Variants in TMEM19 observed in about 807,000 individuals in gnomAD.
TMEM19 encodes transmembrane protein 19.
Under a neutral mutation model 33.6 loss-of-function variants are expected in TMEM19, and 21 were observed. The observed-to-expected ratio is 0.62, with a 90% CI of 0.44 to 0.90. The LOEUF (loss-of-function observed/expected upper bound fraction) is 0.90, where lower values mean the gene tolerates loss of function less well. Ranked by LOEUF, TMEM19 falls within the 40% of genes least tolerant of loss-of-function variation. TMEM19 has a pLI of 0.00. For missense variants in TMEM19, 402 were observed against 401.8 expected, an observed-to-expected ratio of 1.00 and a Z score of 0.00; for synonymous variants, 149 against 147.5, an observed-to-expected ratio of 1.01 and a Z score of -0.07.
intron 3 of TMEM19, 112 bp downstream of exon 3, chr12:71,696,685 T>C (rs1241715836): frequency 3.0e-5 from 31 of 1,023,254 alleles, no homozygotes; most frequent in Non-Finnish European, 3.7e-5. Flanking sequence ...CTTGCTCTGT[T>C]GCCCAGGCTG....
rs1881983550 is a variant in TMEM19, at chr12:71,701,758, G to A, written c.*763G>A. The A allele has an allele frequency of 6.6e-6, 1 of 152,186 alleles. No homozygotes were observed. The highest frequency in any genetic ancestry group is 2.1e-4 in the South Asian group (1 of 4,828). 9.4% of individuals were successfully genotyped at this position (152,186 alleles called of 1,614,324 possible). A position where few individuals can be genotyped will look rare whatever the true frequency, so the allele number is the denominator to read the frequency against. On this transcript the variant is annotated 3_prime_UTR_variant, in exon 6 of 6. Transcript: ENST00000266673. ...ATCTTCAATTTAATATGTGGAATGT[G>A]TTTTCTAGCTTTCTTTGAATTATGT...
chr12:71,694,809 G>C lies in TMEM19; in HGVS notation c.245-1627G>C, dbSNP rs115092812. 9.2e-5 allele frequency among the ~76,000 whole-genome samples: 14 copies of C among 152,318 alleles called. No individual in the cohort carries two copies. The South Asian group carries it at 1.9e-3, about 20-fold the overall frequency. On this transcript the variant is annotated intron_variant, in intron 2 of 5. Transcript: ENST00000266673. ...AGAATATGTATGAAGCAATAGGTGA[G>C]CTTTGAGTTTATTAAATTACTATGA...
chr12:71,696,455 C>G lies in TMEM19; in HGVS notation c.264C>G (p.Ile88Met). The G allele has an allele frequency of 6.2e-7, 1 of 1,611,516 alleles. No individual in the cohort carries two copies. The highest frequency in any genetic ancestry group is 8.5e-7 in the Non-Finnish European group (1 of 1,178,720). Residue 88 changes from isoleucine to methionine, a missense_variant, in exon 3 of 6, where the codon ATC (isoleucine) becomes ATG (methionine). Ile to Met is a conservative substitution (Grantham distance 10). Coordinates refer to ENST00000266673, the MANE Select transcript of TMEM19 (RefSeq NM_018279.4). ...GALGGLVVGF[I>M]LTIANFSFFT... ...TTTCAGGGCTAGTCGTTGGATTTAT[C>G]CTAACCATTGCAAATTTCAGCTTTT...
chr12:71,687,764 G>T (rs1043895065), intron 1 of TMEM19, among the ~76,000 whole-genome samples: 1 of 152,116 alleles, frequency 6.6e-6, no homozygotes, highest in Non-Finnish European at 1.5e-5. Context: ...AGTTTTAAAG[G>T]TGCTTTAGAG....
intron 5 of TMEM19, chr12:71,699,624 G>C (rs897500619): frequency 1.3e-5 from 2 of 159,720 alleles, no homozygotes; most frequent in African/African-American, 4.8e-5. Flanking sequence ...GCCAAGGGGG[G>C]CAGATCACTG....
rs57148356 is a variant in TMEM19 at position 71,703,187 on chromosome 12, C to CAAAAAAAAAAAAAAAA, written c.*2216_*2231dup. On this transcript the variant is annotated 3_prime_UTR_variant, in exon 6 of 6. Transcript: ENST00000266673. ...GGGAGACTCCATCTAGACTCCATCT[C>CAAAAAAAAAAAAAAAA]AAAAAAAAAAAAAAAAAAAAAAAAA... The CAAAAAAAAAAAAAAAA allele has an allele frequency of 4.2e-4, 20 of 47,194 alleles. 2 individuals carry two copies. The highest frequency in any genetic ancestry group is 6.0e-4 in the South Asian group (1 of 1,676). 2.9% of individuals were successfully genotyped at this position (47,194 alleles called of 1,614,324 possible). A position where few individuals can be genotyped will look rare whatever the true frequency, so the allele number is the denominator to read the frequency against.
At chr12:71,689,773 T>C in intron 2 of TMEM19, 69 bp downstream of exon 2, 1 of 1,106,184 alleles carries the variant, frequency 9.0e-7, no homozygotes, top group Non-Finnish European at 1.3e-6. Context: ...ATTTATGTTT[T>C]CTAAATTCTG....
In TMEM19 at chr12:71,686,600, G is replaced by T; in HGVS notation, c.-81G>T. 1 of 1,486,510 alleles carries T rather than the reference G, an allele frequency of 6.7e-7. No homozygotes were observed. 92.1% of individuals were successfully genotyped at this position (1,486,510 alleles called of 1,614,324 possible). On this transcript the variant is annotated 5_prime_UTR_variant, in exon 1 of 6. Coordinates refer to ENST00000266673, the MANE Select transcript of TMEM19 (RefSeq NM_018279.4). The stretch of plus-strand genomic sequence containing the variant: ...GGGATTTATGTTTGCCTCTGAACAA[G>T]TGTCTTGCTCACATCGTAAATGACT...
chr12:71,689,547 T>C, intron 1 of TMEM19, 44 bp from the exon 2 acceptor site: 1 of 1,513,050 alleles, frequency 6.6e-7, no homozygotes, highest in Non-Finnish European at 9.2e-7. Context: ...AACTAACCTG[T>C]GCAAACTTCA....
At position 71,703,220 on chromosome 12, in the gene TMEM19, A is replaced by AAAG. The variant is rs1882014811; in HGVS notation, c.*2227_*2228insGAA. ...AAAAAAAAAAAAAAAAAAAAAAAAA[A>AAAG]AAAAAAGAATATTCTAAGCACTAGA... On this transcript the variant is annotated 3_prime_UTR_variant, in exon 6 of 6. Coordinates refer to ENST00000266673, the MANE Select transcript of TMEM19 (RefSeq NM_018279.4). The AAAG allele has an allele frequency of 7.0e-6, 1 of 143,136 alleles. No homozygotes were observed. The highest frequency in any genetic ancestry group is 1.5e-5 in the Non-Finnish European group (1 of 66,406). 8.9% of individuals were successfully genotyped at this position (143,136 alleles called of 1,614,324 possible).
chr12:71,701,134 A>G lies in TMEM19; in HGVS notation c.*139A>G. 1 of 861,900 alleles carries G rather than the reference A, an allele frequency of 1.2e-6. No homozygotes were observed. The highest frequency in any genetic ancestry group is 1.7e-6 in the Non-Finnish European group (1 of 590,078). The allele number at this position is 861,900 out of a possible 1,614,324, so 53.4% of individuals were successfully genotyped here. ...GTATTCCATTGAGATGGGATTTCACATTTTCCTCTCATCAACTCCCCTGTA... is the reference window on the plus strand; with the variant it reads ...GTATTCCATTGAGATGGGATTTCACGTTTTCCTCTCATCAACTCCCCTGTA... On this transcript the variant is annotated 3_prime_UTR_variant, in exon 6 of 6. Transcript: ENST00000266673.
intron 2 of TMEM19, among the ~76,000 whole-genome samples, chr12:71,695,612 G>A (rs1881857374): frequency 6.6e-6 from 1 of 152,152 alleles, no homozygotes; most frequent in South Asian, 2.1e-4. Context: ...GCTGTTATTA[G>A]TATCCATGAT....
chr12:71,687,920 CAT>C (rs754375103), intron 1 of TMEM19, among the ~76,000 whole-genome samples: 9 of 152,244 alleles, frequency 5.9e-5, no homozygotes, highest in East Asian at 5.8e-4. Flanking sequence ...TGCAAAGAGA[CAT>C]GTGAATAGTT....
At chr12:71,696,657 T>G in intron 3 of TMEM19, 84 bp downstream of exon 3, 2 of 1,312,886 alleles carry the variant, frequency 1.5e-6, no homozygotes, top group South Asian at 1.6e-5. Flanking sequence ...GTTTTTGTTT[T>G]TTTTTTTGAG....
chr12:71,701,260 C>T lies in TMEM19; in HGVS notation c.*265C>T, dbSNP rs1881974091. On this transcript the variant is annotated 3_prime_UTR_variant, in exon 6 of 6. Coordinates refer to ENST00000266673, the MANE Select transcript of TMEM19 (RefSeq NM_018279.4). ...GAGCAATGAAGCTATATTGTCCCTA[C>T]ATATTACTATATATTGAACTGAAAG... 1 of 276,520 alleles carries T rather than the reference C, an allele frequency of 3.6e-6. No individual in the cohort carries two copies. The highest frequency in any genetic ancestry group is 6.8e-6 in the Non-Finnish European group (1 of 147,534). 17.1% of individuals were successfully genotyped at this position (276,520 alleles called of 1,614,324 possible). A position where few individuals can be genotyped will look rare whatever the true frequency, so the allele number is the denominator to read the frequency against.
rs774758802 is a variant in TMEM19 at position 71,696,545 on chromosome 12, G to A, written c.354G>A (p.Lys118=). The A allele has an allele frequency of 2.5e-6, 4 of 1,610,056 alleles. No individual in the cohort carries two copies. The highest frequency in any genetic ancestry group is 3.3e-4 in the Middle Eastern group (2 of 6,048). Residue 118 remains lysine (K), a synonymous_variant, in exon 3 of 6, where the codon AAG becomes AAA. Coordinates refer to ENST00000266673, the MANE Select transcript of TMEM19 (RefSeq NM_018279.4). The stretch of plus-strand genomic sequence containing the variant: ...TCACTAAATGGAAGGGAGAAGTGAA[G>A]AAGCGTCTAGATTCAGAATATAAGG... ...SKLTKWKGEV[K]KRLDSEYKEG...
rs930073901 is a variant in TMEM19 at position 71,701,749 on chromosome 12, G to A, written c.*754G>A. On this transcript the variant is annotated 3_prime_UTR_variant, in exon 6 of 6. Coordinates refer to ENST00000266673, the MANE Select transcript of TMEM19 (RefSeq NM_018279.4). ...ACAAAAATTATCTTCAATTTAATAT[G>A]TGGAATGTGTTTTCTAGCTTTCTTT... 1.3e-5 allele frequency: 2 copies of A among 152,152 alleles called. No homozygotes were observed. Among genetic ancestry groups the A allele is most frequent in the African/African-American group, 2.4e-5 (1 of 41,428 alleles). 9.4% of individuals were successfully genotyped at this position (152,152 alleles called of 1,614,324 possible).
intron 2 of TMEM19, chr12:71,690,449 G>A (rs1410986881): frequency 6.6e-6 from 1 of 152,178 alleles, no homozygotes; most frequent in African/African-American, 2.4e-5. Flanking sequence ...CACCATGCCT[G>A]ACCCCTCTTT....
chr12:71,686,440 C>A lies in TMEM19; in HGVS notation c.-241C>A. ...CAGCCGGCGACCGGCCCTCACCGTC[C>A]GCCGGGTTGCGCTCTGCTTTTGCGG... On this transcript the variant is annotated 5_prime_UTR_variant, in exon 1 of 6. Coordinates refer to ENST00000266673, the MANE Select transcript of TMEM19 (RefSeq NM_018279.4). 2.7e-6 allele frequency: 1 copy of A among 370,170 alleles called. No homozygotes were observed. Among genetic ancestry groups the A allele is most frequent in the South Asian group, 2.9e-5 (1 of 34,842 alleles). 22.9% of individuals were successfully genotyped at this position (370,170 alleles called of 1,614,324 possible). A position where few individuals can be genotyped will look rare whatever the true frequency, so the allele number is the denominator to read the frequency against.
Sources: allele counts gnomAD v4.1 joint callset (sites outside exome capture counted in the v4.1 genomes callset), GRCh38; gene constraint gnomAD v4.1.1; transcripts MANE v1.5; gene names NCBI Gene and HGNC (gene_info 2026-07-23, HGNC 2026-07-21).